MAGI1: variants seen among roughly 807,000 people sequenced by gnomAD.
The protein encoded by MAGI1 is membrane-associated guanylate kinase, WW and PDZ domain-containing protein 1.
In MAGI1, 58 loss-of-function variants were observed where a neutral mutation model predicts 139.9. The observed-to-expected ratio is 0.41, with a 90% CI of 0.34 to 0.52. The LOEUF (loss-of-function observed/expected upper bound fraction) is 0.52, where lower values mean the gene tolerates loss of function less well. Ranked by LOEUF, MAGI1 falls within the 20% of genes least tolerant of loss-of-function variation. The pLI, the probability that MAGI1 is intolerant of heterozygous loss-of-function variation, is 0.12. For missense variants in MAGI1, 1,874 were observed against 1,901.6 expected (o/e 0.99, Z 0.27); for synonymous variants, 812 against 737.9 (o/e 1.10, Z -1.63).
intron 1 of MAGI1, among the ~76,000 whole-genome samples, chr3:65,929,058 C>T (rs545226035): frequency 1.3e-4 from 20 of 151,606 alleles, no homozygotes; most frequent in African/African-American, 4.8e-4. Flanking sequence ...GAAGCCGAAG[C>T]GGGAGGGATC....
chr3:65,849,738 C>T (rs1007989309), intron 1 of MAGI1, among the ~76,000 whole-genome samples: 2 of 152,018 alleles, frequency 1.3e-5, no homozygotes, highest in African/African-American at 4.8e-5. Flanking sequence ...ACAAGTATTT[C>T]TTCTACACAA....
chr3:65,832,485 C>T (rs976840844), intron 1 of MAGI1, among the ~76,000 whole-genome samples: 2 of 152,076 alleles, frequency 1.3e-5, no homozygotes, highest in East Asian at 1.9e-4. Context: ...TCTCTGAATA[C>T]GACATGGTCT....
At chr3:65,936,321 G>A (rs984062656) in intron 1 of MAGI1, among the ~76,000 whole-genome samples, 12 of 152,118 alleles carry the variant, frequency 7.9e-5, no homozygotes, top group African/African-American at 2.4e-4. Flanking sequence ...GTAACCCACA[G>A]CAAGTCAACT....
At chr3:65,462,879 C>T (rs1219399934) in intron 5 of MAGI1, among the ~76,000 whole-genome samples, 1 of 152,068 alleles carries the variant, frequency 6.6e-6, no homozygotes, top group Non-Finnish European at 1.5e-5. Context: ...TCTTTGTAGC[C>T]ATTGTGAATG....
In MAGI1 at chr3:65,379,312, C is replaced by T. The variant is rs1942844212; in HGVS notation, c.2944G>A (p.Gly982Ser). ...EIRRGENEGF[G>S]FVIVSSVSRP... The stretch of plus-strand genomic sequence containing the variant: ...CTCACCGAGGACACGATGACGAAGC[C>T]GAAGCCCTCGTTCTCCCCGCGCCGG... Residue 982 changes from glycine to serine, a missense_variant, in exon 17 of 23, where the codon GGC becomes AGC. This residue lies in a region of MAGI1 where 5 missense variants were observed against 19.5 expected (regional missense o/e 0.26). Transcript: ENST00000402939. 1.9e-6 allele frequency: 3 copies of T among 1,613,148 alleles called. No homozygotes were observed. The highest frequency in any genetic ancestry group is 1.1e-5 in the South Asian group (1 of 90,938).
chr3:66,016,636 C>G (rs1013996725), intron 1 of MAGI1, among the ~76,000 whole-genome samples: 1 of 152,220 alleles, frequency 6.6e-6, no homozygotes, highest in African/African-American at 2.4e-5. Context: ...CAAAACTGAG[C>G]AAGAAAGAAA....
At chr3:65,471,066 A>G (rs762864967) in intron 4 of MAGI1, among the ~76,000 whole-genome samples, 10 of 152,232 alleles carry the variant, frequency 6.6e-5, no homozygotes, top group Non-Finnish European at 1.3e-4. Flanking sequence ...AGAGAGCTAT[A>G]CCAGTGAGTC....
intron 1 of MAGI1, among the ~76,000 whole-genome samples, chr3:65,895,531 T>C (rs189892823): frequency 6.6e-6 from 1 of 152,318 alleles, no homozygotes. Context: ...CTTCAAACAA[T>C]AATCTAATTT....
intron 2 of MAGI1, among the ~76,000 whole-genome samples, chr3:65,565,918 C>A (rs1168102355): frequency 6.6e-6 from 1 of 150,422 alleles, no homozygotes; most frequent in African/African-American, 2.4e-5. Context: ...TGGAGGAAGT[C>A]CTTACCACAT....
chr3:65,934,912 G>C (rs1012386570), intron 1 of MAGI1, among the ~76,000 whole-genome samples: 5 of 151,980 alleles, frequency 3.3e-5, no homozygotes, highest in African/African-American at 1.2e-4. Context: ...TCTATAGTAA[G>C]CCACTGTGGT....
At chr3:65,739,680 T>C (rs12107663) in intron 1 of MAGI1, among the ~76,000 whole-genome samples, 9,220 of 152,206 alleles carry the variant, frequency 0.061, 930 homozygotes, top group African/African-American at 0.2. Flanking sequence ...TTCAATACTG[T>C]TGTGGCTCAC....
At chr3:65,529,676 T>C (rs77868191) in intron 2 of MAGI1, among the ~76,000 whole-genome samples, 2,698 of 152,340 alleles carry the variant, frequency 0.018, 72 homozygotes, top group African/African-American at 0.059. Flanking sequence ...TGAACATTCA[T>C]GTATGAGTTT....
intron 1 of MAGI1, among the ~76,000 whole-genome samples, chr3:65,810,932 T>A (rs1391389668): frequency 1.3e-5 from 2 of 152,234 alleles, no homozygotes; most frequent in Admixed American, 1.3e-4. Context: ...TGCAAGTACA[T>A]GGCATATAGT....
At chr3:65,404,811 CAT>C (rs1316110928) in intron 12 of MAGI1, among the ~76,000 whole-genome samples, 4 of 152,312 alleles carry the variant, frequency 2.6e-5, no homozygotes, top group African/African-American at 9.6e-5. Flanking sequence ...TAACTGCAGA[CAT>C]ATCCCTACCA....
intron 1 of MAGI1, among the ~76,000 whole-genome samples, chr3:65,950,062 AAAAAC>A (rs1286929665): frequency 0.018 from 406 of 22,284 alleles, 9 homozygotes; most frequent in Middle Eastern, 0.033. Flanking sequence ...AAAAAAACAA[AAAAAC>A]AAAAAAAAAA....
intron 2 of MAGI1, among the ~76,000 whole-genome samples, chr3:65,600,108 C>T (rs1041013770): frequency 3.9e-5 from 6 of 152,108 alleles, no homozygotes; most frequent in African/African-American, 7.2e-5. Context: ...AAGCCTTTTG[C>T]CACAAGCTAA....
At chr3:65,832,669 C>G (rs959956713) in intron 1 of MAGI1, among the ~76,000 whole-genome samples, 1 of 152,050 alleles carries the variant, frequency 6.6e-6, no homozygotes, top group East Asian at 1.9e-4. Context: ...TCTCAGAAGA[C>G]TTGAGCCTCT....
chr3:65,901,154 G>A lies in MAGI1; in HGVS notation c.313+136842C>T, dbSNP rs75679734. On this transcript the variant is annotated intron_variant, in intron 1 of 22. Coordinates refer to ENST00000402939, the MANE Select transcript of MAGI1 (RefSeq NM_001033057.2). Reference sequence around the variant, plus strand: ...CAAGAGCATTTATACTACTTGCAACGCAGAGCCCAACATAAAGACTATTCC... The same window carrying A: ...CAAGAGCATTTATACTACTTGCAACACAGAGCCCAACATAAAGACTATTCC... 4.6e-5 allele frequency among the ~76,000 whole-genome samples: 7 copies of A among 152,216 alleles called. No homozygotes were observed. The East Asian group carries it at 1.2e-3, about 25-fold the overall frequency.
chr3:65,380,078 A>G (rs1482099898), intron 16 of MAGI1, among the ~76,000 whole-genome samples: 1 of 152,230 alleles, frequency 6.6e-6, no homozygotes, highest in Non-Finnish European at 1.5e-5. Context: ...TGTGGGGTTC[A>G]TGACAACACC....
Sources: gnomAD v4.1 joint callset for allele counts (sites outside exome capture counted in the v4.1 genomes callset) on GRCh38, gnomAD v4.1.1 for gene constraint, gnomAD v4.1.1 regional missense constraint, MANE v1.5 for transcripts, NCBI Gene and HGNC (gene_info 2026-07-23, HGNC 2026-07-21) for gene names.